ST3GAL1: variants seen among roughly 807,000 people sequenced by gnomAD.
ST3GAL1 encodes ST3 beta-galactoside alpha-2,3-sialyltransferase 1, also known as CMP-N-acetylneuraminate-beta-galactosamide-alpha-2,3-sialyltransferase 1.
ST3GAL1 carries 16 observed loss-of-function variants against 34.1 expected under a neutral mutation model. The ratio of observed to expected loss-of-function variants is 0.47; its 90% CI spans 0.32 to 0.71. The LOEUF is 0.71. Among genes scored for constraint, ST3GAL1 ranks in the 30% least tolerant of loss-of-function variants. ST3GAL1 has a pLI of 0.04. For synonymous variants in ST3GAL1, 191 were observed against 184.7 expected (o/e 1.03, Z -0.28); for missense variants, 353 against 447.4 (o/e 0.79, Z 1.90).
chr8:133,518,212 G>C (rs990209210), intron 2 of ST3GAL1, among the ~76,000 whole-genome samples: 5 of 152,218 alleles, frequency 3.3e-5, no homozygotes, highest in African/African-American at 1.2e-4. Flanking sequence ...TGACCAGCTT[G>C]AGGGTGGGTC....
rs1394094387 is a variant in ST3GAL1, at chr8:133,570,658, C to T, written c.-582+1035G>A. On this transcript the variant is annotated intron_variant, in intron 1 of 9. Coordinates refer to ENST00000522652, the MANE Select transcript of ST3GAL1 (RefSeq NM_173344.3). The surrounding 1 kb of genome is among the most constrained non-coding windows in gnomAD (Gnocchi z 5.6). ...CCAAGCCGGGGCGCAAGCTCAACCC[C>T]CATCTCAAGTTCAGCCGCGCTTCCT... 1.3e-5 allele frequency among the ~76,000 whole-genome samples: 2 copies of T among 152,202 alleles called. No homozygotes were observed. The highest frequency in any genetic ancestry group is 1.3e-4 in the Admixed American group (2 of 15,284).
rs1214090020 is a variant in ST3GAL1, at chr8:133,456,899, CT to C, written c.*2864del. 1 of 152,258 alleles carries C rather than the reference CT, an allele frequency of 6.6e-6. No individual in the cohort carries two copies. Among genetic ancestry groups the C allele is most frequent in the Non-Finnish European group, 1.5e-5 (1 of 68,046 alleles). The allele number at this position is 152,258 out of a possible 1,614,324, so 9.4% of individuals were successfully genotyped here. On this transcript the variant is annotated 3_prime_UTR_variant, in exon 10 of 10. Coordinates refer to ENST00000522652, the MANE Select transcript of ST3GAL1 (RefSeq NM_173344.3). ...ATTTCAACATAGCGCCGGTAACACC[CT>C]AGTTTTGCTCAAACTCTGACTTGTG...
chr8:133,460,534 C>T (rs1291656696), intron 9 of ST3GAL1, among the ~76,000 whole-genome samples: 1 of 152,244 alleles, frequency 6.6e-6, no homozygotes, highest in African/African-American at 2.4e-5. Context: ...CTTTCACATA[C>T]ATGACAAACC....
intron 1 of ST3GAL1, among the ~76,000 whole-genome samples, chr8:133,560,974 T>C (rs1002266609): frequency 2.0e-5 from 3 of 152,116 alleles, no homozygotes; most frequent in Non-Finnish European, 2.9e-5. Flanking sequence ...AAGTAGGCAA[T>C]GCAGCCCAGC....
At chr8:133,534,585 C>T (rs772839420) in intron 2 of ST3GAL1, among the ~76,000 whole-genome samples, 8 of 152,154 alleles carry the variant, frequency 5.3e-5, no homozygotes, top group Non-Finnish European at 8.8e-5. Context: ...CTGCATGGAA[C>T]GCAGATAAGG....
intron 2 of ST3GAL1, among the ~76,000 whole-genome samples, chr8:133,501,086 T>C (rs1817136057): frequency 6.6e-6 from 1 of 152,108 alleles, no homozygotes; most frequent in South Asian, 2.1e-4. Context: ...AGCTCTCTAA[T>C]AAACAAACAG....
intron 3 of ST3GAL1, among the ~76,000 whole-genome samples, chr8:133,497,622 G>A (rs537395156): frequency 5.3e-5 from 8 of 151,906 alleles, no homozygotes; most frequent in South Asian, 2.1e-4. Flanking sequence ...ACAGGAGCCC[G>A]CCACCATGCC....
intron 1 of ST3GAL1, among the ~76,000 whole-genome samples, chr8:133,550,337 T>C (rs1051478631): frequency 4.6e-5 from 7 of 152,178 alleles, no homozygotes; most frequent in African/African-American, 1.7e-4. Flanking sequence ...CTGTGAAGCA[T>C]GTTCATACAC....
At chr8:133,506,765 A>C (rs1024773655) in intron 2 of ST3GAL1, among the ~76,000 whole-genome samples, 36 of 151,356 alleles carry the variant, frequency 2.4e-4, no homozygotes, top group African/African-American at 8.7e-4. Flanking sequence ...AGCTTGGGGG[A>C]CAAGAGTGAG....
intron 1 of ST3GAL1, among the ~76,000 whole-genome samples, chr8:133,551,095 T>C (rs1818822900): frequency 6.6e-6 from 1 of 152,190 alleles, no homozygotes. Flanking sequence ...CTGAGGCCTG[T>C]GGGCATGACA....
intron 1 of ST3GAL1, among the ~76,000 whole-genome samples, chr8:133,564,624 C>T (rs999925019): frequency 6.6e-6 from 1 of 151,778 alleles, no homozygotes; most frequent in African/African-American, 2.4e-5. Flanking sequence ...TACAAATATT[C>T]AAACCATATT....
rs770878358 is a variant in ST3GAL1 at position 133,459,913 on chromosome 8, C to T, written c.874G>A (p.Asp292Asn). 1 of 1,613,490 alleles carries T rather than the reference C, an allele frequency of 6.2e-7. No homozygotes were observed. Among genetic ancestry groups the T allele is most frequent in the Admixed American group, 1.7e-5 (1 of 59,942 alleles). The change falls in exon 10 of 10, where the codon GAC becomes AAC. Residue 292 changes from aspartate to asparagine, a missense_variant. Physicochemically the swap from Asp to Asn is conservative, Grantham distance 23. Coordinates refer to ENST00000522652, the MANE Select transcript of ST3GAL1 (RefSeq NM_173344.3). The surrounding 1 kb of genome is among the most constrained non-coding windows in gnomAD (Gnocchi z 4.7). ...DEVDLYGFGA[D>N]SKGNWHHYWE... ...TAGTGGTGCCAGTTCCCTTTGCTGT[C>T]TGCCCCGAAGCCGTACAAGTCCACC...
At chr8:133,543,371 T>A (rs933179850) in intron 2 of ST3GAL1, among the ~76,000 whole-genome samples, 1 of 152,194 alleles carries the variant, frequency 6.6e-6, no homozygotes, top group Non-Finnish European at 1.5e-5. Context: ...GAAATCTGAA[T>A]GAGAAATCAG....
rs779118773 is a variant in ST3GAL1, at chr8:133,475,976, G to A, written c.49C>T (p.Leu17Phe). 2 of 1,612,574 alleles carry A rather than the reference G, an allele frequency of 1.2e-6. No homozygotes were observed. Among genetic ancestry groups the A allele is most frequent in the African/African-American group, 1.3e-5 (1 of 74,874 alleles). The stretch of plus-strand genomic sequence containing the variant: ...AAGAAGGAGGTGAGGAAGATGAAGA[G>A]CACGAGGAAGGTGAGCACTTTCAGG... ...RTLKVLTFLV[L>F]FIFLTSFFLN... Residue 17 changes from leucine to phenylalanine, a missense_variant, in exon 5 of 10, where the codon CTC (leucine) becomes TTC (phenylalanine). Coordinates refer to ENST00000522652, the MANE Select transcript of ST3GAL1 (RefSeq NM_173344.3).
chr8:133,489,986 T>A (rs1160058235), intron 3 of ST3GAL1, among the ~76,000 whole-genome samples: 1 of 152,008 alleles, frequency 6.6e-6, no homozygotes, highest in Non-Finnish European at 1.5e-5. Context: ...TCCAACTCAC[T>A]CCCTCCCCAA....
chr8:133,460,271 A>C lies in ST3GAL1; in HGVS notation c.850-334T>G, dbSNP rs867718421. 3.3e-5 allele frequency among the ~76,000 whole-genome samples: 5 copies of C among 152,290 alleles called. No homozygotes were observed. The Middle Eastern group carries it at 0.014, about 417-fold the overall frequency. ...AGGAGCTACAGAGGGAAGGAATAGG[A>C]AGGAGGGCGTGGAATGGAAGAGAGT... On this transcript the variant is annotated intron_variant, in intron 9 of 9. Transcript: ENST00000522652.
At chr8:133,562,138 C>T (rs1442592904) in intron 1 of ST3GAL1, among the ~76,000 whole-genome samples, 2 of 151,726 alleles carry the variant, frequency 1.3e-5, no homozygotes, top group African/African-American at 4.8e-5. Flanking sequence ...ATTTCAGACA[C>T]ACAGAAGATC....
chr8:133,455,330 G>A lies in ST3GAL1; in HGVS notation c.*4434C>T, dbSNP rs555071739. On this transcript the variant is annotated 3_prime_UTR_variant, in exon 10 of 10. Transcript: ENST00000522652. ...TGGGAGGGAGGACAGGAGGTGTAAAGGTGGCTCACCTTCCCCTAGGAAATT... is the reference window on the plus strand; with the variant it reads ...TGGGAGGGAGGACAGGAGGTGTAAAAGTGGCTCACCTTCCCCTAGGAAATT... 2.0e-5 allele frequency: 3 copies of A among 152,538 alleles called. No individual in the cohort carries two copies. Among genetic ancestry groups the A allele is most frequent in the African/African-American group, 7.2e-5 (3 of 41,548 alleles). The allele number at this position is 152,538 out of a possible 1,614,324, so 9.4% of individuals were successfully genotyped here. A position where few individuals can be genotyped will look rare whatever the true frequency, so the allele number is the denominator to read the frequency against.
Position 133,535,525 on chromosome 8 carries a change from A to ATTTTTTTTTTTTTTTTTTTTT in ST3GAL1, c.-429+10248_-429+10249insAAAAAAAAAAAAAAAAAAAAA, listed in dbSNP as rs112708766. Among the ~76,000 whole-genome samples the ATTTTTTTTTTTTTTTTTTTTT allele has an allele frequency of 1.1e-3, 158 of 144,932 alleles. 5 individuals are homozygous for ATTTTTTTTTTTTTTTTTTTTT. The highest frequency in any genetic ancestry group is 3.8e-3 in the African/African-American group (140 of 36,684). Reference sequence around the variant, plus strand: ...TTTTTTAGCAAGAAAGTATTTTTTAATTTTTTTTTTTAGAAACAAGGTCTC... The same window carrying ATTTTTTTTTTTTTTTTTTTTT: ...TTTTTTAGCAAGAAAGTATTTTTTAATTTTTTTTTTTTTTTTTTTTTTTTTTTTTTTTAGAAACAAGGTCTC... On this transcript the variant is annotated intron_variant, in intron 2 of 9. Coordinates refer to ENST00000522652, the MANE Select transcript of ST3GAL1 (RefSeq NM_173344.3).
Sources: allele counts gnomAD v4.1 joint callset (sites outside exome capture counted in the v4.1 genomes callset), GRCh38; gene constraint gnomAD v4.1.1; non-coding constraint Gnocchi (gnomAD v3.1); transcripts MANE v1.5; gene names NCBI Gene and HGNC (gene_info 2026-07-23, HGNC 2026-07-21).